The following ETV5 variants were observed in gnomAD, a reference collection of about 807,000 sequenced individuals.
The protein encoded by ETV5 is ETS variant transcription factor 5.
Under a neutral mutation model 70.0 loss-of-function variants are expected in ETV5, and 10 were observed. That is an observed-to-expected ratio of 0.14 (90% confidence interval 0.09 to 0.24). The LOEUF is 0.24. Ranked by LOEUF, ETV5 falls within the 10% of genes least tolerant of loss-of-function variation. The pLI is 1.00. For missense variants in ETV5, 453 were observed against 651.2 expected (o/e 0.70, Z 3.31); for synonymous variants, 216 against 242.2 (o/e 0.89, Z 1.01).
intron 11 of ETV5, among the ~76,000 whole-genome samples, chr3:186,053,022 G>A (rs1713070223): frequency 1.3e-5 from 2 of 152,108 alleles, no homozygotes; most frequent in South Asian, 2.1e-4. Context: ...ATGCAAACCA[G>A]GGGTCAGGGG....
At chr3:186,067,755 A>G (rs902805074) in intron 7 of ETV5, among the ~76,000 whole-genome samples, 6 of 152,232 alleles carry the variant, frequency 3.9e-5, no homozygotes, top group South Asian at 2.1e-4. Context: ...ATAAATTTCT[A>G]TAACTTAAAA....
At chr3:186,066,665 A>G (rs575657398) in intron 7 of ETV5, among the ~76,000 whole-genome samples, 1 of 152,246 alleles carries the variant, frequency 6.6e-6, no homozygotes, top group Non-Finnish European at 1.5e-5. Context: ...TATATTTAGG[A>G]CTTTGAAGCT....
intron 9 of ETV5, among the ~76,000 whole-genome samples, chr3:186,063,448 G>T (rs1286777468): frequency 6.6e-6 from 1 of 152,186 alleles, no homozygotes; most frequent in Non-Finnish European, 1.5e-5. Flanking sequence ...CAAAGTCACA[G>T]GCTCAACCTT....
chr3:186,059,044 TAAA>T (rs1217772566), intron 9 of ETV5, among the ~76,000 whole-genome samples: 1 of 147,364 alleles, frequency 6.8e-6, no homozygotes, highest in African/African-American at 2.5e-5. Context: ...AAATAAAAAA[TAAA>T]AAAAAAGAAA....
intron 9 of ETV5, among the ~76,000 whole-genome samples, chr3:186,058,484 C>A (rs899376045): frequency 2.6e-5 from 4 of 152,224 alleles, no homozygotes; most frequent in Non-Finnish European, 5.9e-5. Context: ...TCACCTGGCT[C>A]ATACTACAGG....
chr3:186,070,990 T>C (rs1048922336), intron 7 of ETV5, among the ~76,000 whole-genome samples: 1 of 152,196 alleles, frequency 6.6e-6, no homozygotes, highest in Non-Finnish European at 1.5e-5. Flanking sequence ...CTAAATTCAA[T>C]AGGTCACAGT....
In ETV5 at chr3:186,052,072, G is replaced by A; in HGVS notation, c.1269C>T (p.Ser423=). Residue 423 remains serine (S), a synonymous_variant, in exon 12 of 13, where the codon AGC becomes AGT. Transcript: ENST00000306376. The surrounding 1 kb of genome is among the most constrained non-coding windows in gnomAD (Gnocchi z 4.5). ...NRPAMNYDKL[S]RSLRYYYEKG... ...TTTCATAGTAATAGCGGAGAGAGCG[G>A]CTCAGCTTGTCATAGTTCATGGCTG... 6.2e-7 allele frequency: 1 copy of A among 1,613,928 alleles called. No individual in the cohort carries two copies. Among genetic ancestry groups the A allele is most frequent in the South Asian group, 1.1e-5 (1 of 91,076 alleles).
rs956861627 is a variant in ETV5, at chr3:186,048,386, C to T, written c.*253G>A. On this transcript the variant is annotated 3_prime_UTR_variant, in exon 13 of 13. Coordinates refer to ENST00000306376, the MANE Select transcript of ETV5 (RefSeq NM_004454.3). Reference sequence around the variant, plus strand: ...TGGTAAGGAGACTCCATTTTGATCTCTTCCCAGAAACCTCATCAGAATCAA... The same window carrying T: ...TGGTAAGGAGACTCCATTTTGATCTTTTCCCAGAAACCTCATCAGAATCAA... The T allele has an allele frequency of 1.3e-5, 7 of 532,868 alleles. No homozygotes were observed. Among genetic ancestry groups the T allele is most frequent in the Non-Finnish European group, 2.4e-5 (7 of 294,960 alleles). The allele number at this position is 532,868 out of a possible 1,614,324, so 33.0% of individuals were successfully genotyped here. A position where few individuals can be genotyped will look rare whatever the true frequency, so the allele number is the denominator to read the frequency against.
At chr3:186,061,190 CAG>C (rs1713296292) in intron 9 of ETV5, among the ~76,000 whole-genome samples, 3 of 152,314 alleles carry the variant, frequency 2.0e-5, no homozygotes, top group Admixed American at 2.0e-4. Flanking sequence ...TTTAAAATGA[CAG>C]AGACCAGTGG....
In ETV5 at chr3:186,064,346, A is replaced by C; in HGVS notation, c.970+71T>G. ...GGAAGGAAGGAAGGTAGGAGAAAGA[A>C]AAGCCGAGAGAAAGAAAGGAAGAAA... On this transcript the variant is annotated intron_variant, in intron 9 of 12. Coordinates refer to ENST00000306376, the MANE Select transcript of ETV5 (RefSeq NM_004454.3). 2.8e-6 allele frequency: 4 copies of C among 1,452,978 alleles called. No individual in the cohort carries two copies. The South Asian group carries it at 4.6e-5, about 17-fold the overall frequency. 90.0% of individuals were successfully genotyped at this position (1,452,978 alleles called of 1,614,324 possible). A position where few individuals can be genotyped will look rare whatever the true frequency, so the allele number is the denominator to read the frequency against.
In ETV5 at chr3:186,067,170, C is replaced by T. The variant is rs551882023; in HGVS notation, c.651-1098G>A. 7.2e-5 allele frequency among the ~76,000 whole-genome samples: 11 copies of T among 152,314 alleles called. No individual in the cohort carries two copies. The South Asian group carries it at 2.3e-3, about 32-fold the overall frequency. On this transcript the variant is annotated intron_variant, in intron 7 of 12. Coordinates refer to ENST00000306376, the MANE Select transcript of ETV5 (RefSeq NM_004454.3). The stretch of plus-strand genomic sequence containing the variant: ...AAATTGGCCCAGCACGGTGGTGGCT[C>T]ATGCCTGTAATCCCAGCACTTTGGG...
At chr3:186,066,591 C>G (rs1713452656) in intron 7 of ETV5, among the ~76,000 whole-genome samples, 1 of 151,546 alleles carries the variant, frequency 6.6e-6, no homozygotes, top group Non-Finnish European at 1.5e-5. Flanking sequence ...AACCTATAGG[C>G]CATATAAGAA....
intron 12 of ETV5, among the ~76,000 whole-genome samples, 190 bp downstream of exon 12, chr3:186,051,840 C>A (rs1238750681): frequency 6.6e-6 from 1 of 152,174 alleles, no homozygotes; most frequent in Admixed American, 6.5e-5. Context: ...TAACCAACAG[C>A]ATCAAATGTA....
At chr3:186,071,317 A>G (rs1713628000) in intron 7 of ETV5, among the ~76,000 whole-genome samples, 1 of 152,218 alleles carries the variant, frequency 6.6e-6, no homozygotes, top group Non-Finnish European at 1.5e-5. Context: ...CCAAGAAATC[A>G]ACATCATGCA....
chr3:186,046,950 C>T lies in ETV5; in HGVS notation c.*1689G>A, dbSNP rs1712894477. On this transcript the variant is annotated 3_prime_UTR_variant, in exon 13 of 13. Coordinates refer to ENST00000306376, the MANE Select transcript of ETV5 (RefSeq NM_004454.3). ...TGTTTCCATAGCTATAAAGTGCACC[C>T]CTTATCCCTGCGAACCTCTTCACAA... is the stretch of plus-strand genomic sequence containing the variant. 1 of 230,456 alleles carries T rather than the reference C, an allele frequency of 4.3e-6. No individual in the cohort carries two copies. Among genetic ancestry groups the T allele is most frequent in the Admixed American group, 5.7e-5 (1 of 17,682 alleles). 14.3% of individuals were successfully genotyped at this position (230,456 alleles called of 1,614,324 possible).
At position 186,100,213 on chromosome 3, in the gene ETV5, C is replaced by T. The variant is rs544961822; in HGVS notation, c.232+5092G>A. On this transcript the variant is annotated intron_variant, in intron 5 of 12. Transcript: ENST00000306376. ...GAATCTCTCCTCCATGTTTTCCTCA[C>T]GCTTTCATCAGCATTCTTTTCTACC... is the stretch of plus-strand genomic sequence containing the variant. 5.9e-5 allele frequency among the ~76,000 whole-genome samples: 9 copies of T among 152,344 alleles called. No individual in the cohort carries two copies. In the South Asian group the frequency reaches 6.2e-4, roughly 11 times the overall value.
intron 7 of ETV5, chr3:186,079,050 T>C: frequency 9.4e-7 from 1 of 1,065,334 alleles, no homozygotes; most frequent in Non-Finnish European, 1.1e-6. Context: ...CCATCTTGCA[T>C]CCTTTGGTAA....
chr3:186,071,725 C>G (rs575193548), intron 7 of ETV5, among the ~76,000 whole-genome samples: 2 of 151,608 alleles, frequency 1.3e-5, no homozygotes, highest in Non-Finnish European at 2.9e-5. Flanking sequence ...GAGCTCGAGG[C>G]GGGCAGATCA....
At position 186,048,551 on chromosome 3, in the gene ETV5, A is replaced by G. The variant is rs1712937034; in HGVS notation, c.*88T>C. The G allele has an allele frequency of 1.6e-6, 2 of 1,254,544 alleles. No individual in the cohort carries two copies. 77.7% of individuals were successfully genotyped at this position (1,254,544 alleles called of 1,614,324 possible). On this transcript the variant is annotated 3_prime_UTR_variant, in exon 13 of 13. Transcript: ENST00000306376. ...TACTCAAAGGGCAAGCTTTAGGAAC[A>G]ACCAAAAACACAAACAAAACCACTG...
Sources: allele counts gnomAD v4.1 joint callset (sites outside exome capture counted in the v4.1 genomes callset), GRCh38; gene constraint gnomAD v4.1.1; non-coding constraint Gnocchi (gnomAD v3.1); transcripts MANE v1.5; gene names NCBI Gene and HGNC (gene_info 2026-07-23, HGNC 2026-07-21).